Variants in DIS3L observed in about 807,000 individuals in gnomAD.
DIS3L encodes DIS3 like exosome 3'-5' exoribonuclease, also known as DIS3-like exonuclease 1.
A neutral mutation model predicts 120.3 loss-of-function variants in DIS3L; 100 were observed. The ratio of observed to expected loss-of-function variants is 0.83; its 90% CI spans 0.71 to 0.98. The LOEUF (loss-of-function observed/expected upper bound fraction) is 0.98. DIS3L is among the 50% of genes least tolerant of loss of function. DIS3L has a pLI of 0.00. For synonymous variants in DIS3L, 426 were observed against 470.6 expected (o/e 0.91, Z 1.23); for missense variants, 1,196 against 1,314.2 (o/e 0.91, Z 1.39).
chr15:66,293,728 C>A lies in DIS3L; in HGVS notation c.132C>A (p.Cys44Ter). 2 of 1,296,322 alleles carry A rather than the reference C, an allele frequency of 1.5e-6. No individual in the cohort carries two copies. The highest frequency in any genetic ancestry group is 2.0e-6 in the Non-Finnish European group (2 of 1,017,458). 80.3% of individuals were successfully genotyped at this position (1,296,322 alleles called of 1,614,324 possible). A position where few individuals can be genotyped will look rare whatever the true frequency, so the allele number is the denominator to read the frequency against. ...CGCTCTGCCCGCAGCCCGCCGCCTG[C>A]AGCCACGGTCAGGGCCGGGGCGGGG... is the stretch of plus-strand genomic sequence containing the variant. ...HSPLCPQPAA[C>*]SHDGKLLSSD... is the part of the protein sequence containing the mutation. The change falls in exon 1 of 17, where the codon TGC (cysteine) becomes TGA (stop). Residue 44 changes from cysteine (C) to a stop codon, truncating the protein, a stop_gained. Coordinates refer to ENST00000319212, the MANE Select transcript of DIS3L (RefSeq NM_001143688.3). LOFTEE classifies it high-confidence loss of function.
chr15:66,312,971 T>A (rs72748359), intron 5 of DIS3L, among the ~76,000 whole-genome samples: 39,156 of 151,900 alleles, frequency 0.26, 5,647 homozygotes, highest in South Asian at 0.32. Context: ...GGACTTTTTT[T>A]AATTTTAATT....
chr15:66,326,091 G>A lies in DIS3L; in HGVS notation c.1928G>A (p.Arg643Gln), dbSNP rs778702920. 14 of 1,614,060 alleles carry A rather than the reference G, an allele frequency of 8.7e-6. No homozygotes were observed. In the East Asian group the frequency reaches 8.9e-5, roughly 10 times the overall value. ...TDIARHVRAK[R>Q]DGCGALELEG... Reference sequence around the variant, plus strand: ...ATAGCTCGCCATGTCAGAGCTAAACGAGACGGATGTGGTGCCCTGGAACTG... The same window carrying A: ...ATAGCTCGCCATGTCAGAGCTAAACAAGACGGATGTGGTGCCCTGGAACTG... The change falls in exon 12 of 17, where the codon CGA (arginine) becomes CAA (glutamine). Residue 643 changes from arginine (R) to glutamine (Q), a missense_variant. Coordinates refer to ENST00000319212, the MANE Select transcript of DIS3L (RefSeq NM_001143688.3).
At chr15:66,293,441 G>A, upstream of DIS3L, 1 of 1,197,736 alleles carries the variant, frequency 8.3e-7, no homozygotes, top group Non-Finnish European at 1.0e-6. Context: ...GGGAGGGCCG[G>A]GCCCCAGCCT....
intron 4 of DIS3L, among the ~76,000 whole-genome samples, chr15:66,310,868 C>T (rs1033194849): frequency 2.6e-5 from 4 of 152,048 alleles, no homozygotes; most frequent in Non-Finnish European, 4.4e-5. Context: ...CAGTGGCCCA[C>T]GCCTGTAATC....
intron 14 of DIS3L, chr15:66,329,998 A>G (rs2092983378): frequency 1.0e-6 from 1 of 985,280 alleles, no homozygotes; most frequent in Non-Finnish European, 1.2e-6. Flanking sequence ...GACACTGCTA[A>G]CATTTTTATT....
chr15:66,304,375 C>T (rs1233029158), intron 2 of DIS3L, among the ~76,000 whole-genome samples: 2 of 151,998 alleles, frequency 1.3e-5, no homozygotes, highest in Non-Finnish European at 2.9e-5. Context: ...ATCATCTGAG[C>T]CCAGGAGTTT....
intron 2 of DIS3L, among the ~76,000 whole-genome samples, chr15:66,304,995 TTTC>T (rs1217729444): frequency 6.9e-6 from 1 of 145,258 alleles, no homozygotes; most frequent in Non-Finnish European, 1.5e-5. Context: ...ATAAAATCGA[TTTC>T]TTTTTTTTTT....
chr15:66,315,019 T>C lies in DIS3L; in HGVS notation c.815-17T>C. 1 of 1,612,144 alleles carries C rather than the reference T, an allele frequency of 6.2e-7. No homozygotes were observed. The highest frequency in any genetic ancestry group is 8.5e-7 in the Non-Finnish European group (1 of 1,178,494). ...CCCTTGGCTTTATGGGTTTTTTCTG[T>C]GCTGCCCCAAACACAGATTTAGTCA... is the stretch of plus-strand genomic sequence containing the variant. On this transcript the variant is annotated splice_polypyrimidine_tract_variant and intron_variant, in intron 6 of 16. Transcript: ENST00000319212.
Position 66,318,575 on chromosome 15 carries a change from T to C in DIS3L, c.1121T>C (p.Ile374Thr), listed in dbSNP as rs199637977. Residue 374 changes from isoleucine to threonine, a missense_variant, in exon 8 of 17, where the codon ATT (isoleucine) becomes ACT (threonine). Physicochemically the swap from Ile to Thr is moderately conservative, Grantham distance 89. Transcript: ENST00000319212. The stretch of plus-strand genomic sequence containing the variant: ...CTGGTTACACCTTGGGATTACAGAA[T>C]TCCCAAAATTCGAATTAGCACTCAG... ...KILVTPWDYR[I>T]PKIRISTQQA... 9 of 1,614,024 alleles carry C rather than the reference T, an allele frequency of 5.6e-6. No homozygotes were observed. Among genetic ancestry groups the C allele is most frequent in the Non-Finnish European group, 7.6e-6 (9 of 1,180,012 alleles).
In DIS3L at chr15:66,315,115, G is replaced by C. The variant is rs751070843; in HGVS notation, c.894G>C (p.Leu298=). Residue 298 remains leucine (L), a synonymous_variant, in exon 7 of 17, where the codon CTG becomes CTC. Transcript: ENST00000319212. Reference sequence around the variant, plus strand: ...ATGGAGATGTGGTAGTTGTGGAGCTGCTTCCTAAAAATGAATGGAAAGGAA... The same window carrying C: ...ATGGAGATGTGGTAGTTGTGGAGCTCCTTCCTAAAAATGAATGGAAAGGAA... ...SIHGDVVVVE[L]LPKNEWKGRT... 5 of 1,614,058 alleles carry C rather than the reference G, an allele frequency of 3.1e-6. No individual in the cohort carries two copies. In the Admixed American group the frequency reaches 8.3e-5, roughly 27 times the overall value.
intron 4 of DIS3L, among the ~76,000 whole-genome samples, chr15:66,311,041 C>T (rs1179936846): frequency 4.5e-5 from 6 of 133,984 alleles, no homozygotes; most frequent in Admixed American, 2.4e-4. Context: ...AGAGCAAGAC[C>T]CTGTCCCTTA....
intron 14 of DIS3L, 37 bp downstream of exon 14, chr15:66,329,436 T>G: frequency 3.2e-6 from 5 of 1,575,838 alleles, no homozygotes; most frequent in Non-Finnish European, 4.3e-6. Context: ...ACCTGTCATC[T>G]CTTGCTAAGA....
At chr15:66,315,846 A>AC (rs1325599184) in intron 7 of DIS3L, among the ~76,000 whole-genome samples, 2 of 151,916 alleles carry the variant, frequency 1.3e-5, no homozygotes, top group African/African-American at 4.8e-5. Flanking sequence ...GTCACCAGTG[A>AC]CCCCATTGCC....
chr15:66,327,346 A>G (rs76996365), intron 12 of DIS3L, among the ~76,000 whole-genome samples: 1 of 152,226 alleles, frequency 6.6e-6, no homozygotes, highest in Non-Finnish European at 1.5e-5. Context: ...TTTAAAATGC[A>G]GCATCTTTGT....
intron 14 of DIS3L, chr15:66,330,526 T>G: frequency 1.0e-6 from 1 of 985,400 alleles, no homozygotes; most frequent in Non-Finnish European, 1.2e-6. Context: ...ATGGTATAGT[T>G]GTCTGCTGTG....
intron 3 of DIS3L, among the ~76,000 whole-genome samples, 189 bp downstream of exon 3, chr15:66,307,141 T>G (rs1476507757): frequency 6.6e-6 from 1 of 152,196 alleles, no homozygotes; most frequent in Non-Finnish European, 1.5e-5. Flanking sequence ...ACTGATACAT[T>G]TTTTAAAAAT....
chr15:66,306,783 T>A (rs2140341603), intron 2 of DIS3L, 41 bp from the exon 3 acceptor site: 2 of 1,611,530 alleles, frequency 1.2e-6, no homozygotes, highest in East Asian at 4.5e-5. Flanking sequence ...AGTGGATGAG[T>A]ACCTGCTTTG....
In DIS3L at chr15:66,306,940, A is replaced by C; in HGVS notation, c.410A>C (p.Lys137Thr). Residue 137 changes from lysine (K) to threonine (T), a missense_variant, in exon 3 of 17, where the codon AAG (lysine) becomes ACG (threonine). Coordinates refer to ENST00000319212, the MANE Select transcript of DIS3L (RefSeq NM_001143688.3). ...LPRERGESMEKWQTRSIYNAA... is the reference protein window; with the variant it reads ...LPRERGESMETWQTRSIYNAA... Reference sequence around the variant, plus strand: ...CGGGAAAGAGGAGAGTCCATGGAGAAGTGGCAGACCAGGTATGGCCCTGAC... The same window carrying C: ...CGGGAAAGAGGAGAGTCCATGGAGACGTGGCAGACCAGGTATGGCCCTGAC... 6.2e-7 allele frequency: 1 copy of C among 1,614,120 alleles called. No homozygotes were observed. The highest frequency in any genetic ancestry group is 8.5e-7 in the Non-Finnish European group (1 of 1,179,980).
At chr15:66,315,390 TATA>T (rs1251986311) in intron 7 of DIS3L, among the ~76,000 whole-genome samples, 175 bp downstream of exon 7, 1 of 152,140 alleles carries the variant, frequency 6.6e-6, no homozygotes, top group Non-Finnish European at 1.5e-5. Context: ...CTGTGTATAA[TATA>T]ATATGATGTT....
Sources: gnomAD v4.1 joint callset for allele counts (sites outside exome capture counted in the v4.1 genomes callset) on GRCh38, gnomAD v4.1.1 for gene constraint, MANE v1.5 for transcripts, NCBI Gene and HGNC (gene_info 2026-07-23, HGNC 2026-07-21) for gene names.